Variants in OSMR observed in about 807,000 individuals in gnomAD.
OSMR encodes oncostatin-M-specific receptor subunit beta.
A neutral mutation model predicts 99.9 loss-of-function variants in OSMR; 81 were observed. That is an observed-to-expected ratio of 0.81 (90% CI 0.68 to 0.97). OSMR has a LOEUF of 0.97. Among genes scored for constraint, OSMR ranks in the 50% least tolerant of loss-of-function variants. The probability of loss-of-function intolerance (pLI) is 0.00; values close to 1 mark genes in which losing one functional copy is unlikely to be tolerated. For missense variants in OSMR, 1,099 were observed against 1,153.4 expected (o/e 0.95, Z 0.68); for synonymous variants, 406 against 410.4 (o/e 0.99, Z 0.13).
At chr5:38,880,848 T>C (rs1290700464) in intron 3 of OSMR, among the ~76,000 whole-genome samples, 1 of 152,170 alleles carries the variant, frequency 6.6e-6, no homozygotes, top group African/African-American at 2.4e-5. Flanking sequence ...AGAATGGAAA[T>C]GCCAGCATCT....
At chr5:38,924,739 A>G in intron 14 of OSMR, 144 bp downstream of exon 14, 1 of 775,320 alleles carries the variant, frequency 1.3e-6, no homozygotes. Flanking sequence ...GTTCTTAAGC[A>G]AATTAGTAGG....
chr5:38,857,264 T>G (rs420444), intron 1 of OSMR, among the ~76,000 whole-genome samples: 29,178 of 152,154 alleles, frequency 0.19, 2,919 homozygotes, highest in African/African-American at 0.23. Context: ...TTTAAATTTA[T>G]GAGATGAGAT....
chr5:38,926,128 A>G (rs1484108070), intron 15 of OSMR, among the ~76,000 whole-genome samples: 1 of 152,244 alleles, frequency 6.6e-6, no homozygotes, highest in Non-Finnish European at 1.5e-5. Flanking sequence ...AGAGGAGAAA[A>G]GAATATCTTC....
intron 8 of OSMR, 45 bp from the exon 9 acceptor site, chr5:38,904,308 T>A (rs767546306): frequency 3.2e-6 from 5 of 1,586,190 alleles, no homozygotes; most frequent in Non-Finnish European, 4.3e-6. Flanking sequence ...GTTTCTGTCT[T>A]GTTCTTTTCT....
chr5:38,919,063 G>C lies in OSMR; in HGVS notation c.1585+1G>C, dbSNP rs1388497841. 1.2e-6 allele frequency: 2 copies of C among 1,613,648 alleles called. No homozygotes were observed. Among genetic ancestry groups the C allele is most frequent in the East Asian group, 4.5e-5 (2 of 44,868 alleles). ...GTCATCTCTGCAGACCCCGAAAACA[G>C]TGAGTTTGTTTTCATTTTCTTTTGT... On this transcript the variant is annotated splice_donor_variant, in intron 11 of 17. Coordinates refer to ENST00000274276, the MANE Select transcript of OSMR (RefSeq NM_003999.3). LOFTEE classifies it high-confidence loss of function.
At chr5:38,886,662 T>G (rs2112414139) in intron 7 of OSMR, 1 of 154,272 alleles carries the variant, frequency 6.5e-6, no homozygotes, top group South Asian at 2.0e-4. Context: ...CCCATATTGT[T>G]TAGTGTTGCT....
At chr5:38,861,704 G>A (rs187179759) in intron 1 of OSMR, among the ~76,000 whole-genome samples, 1 of 150,714 alleles carries the variant, frequency 6.6e-6, no homozygotes. Flanking sequence ...GCCGGGAGAG[G>A]CGCCCCTCAC....
intron 7 of OSMR, among the ~76,000 whole-genome samples, chr5:38,890,415 T>C (rs770914150): frequency 7.9e-5 from 12 of 152,210 alleles, no homozygotes; most frequent in Non-Finnish European, 1.8e-4. Flanking sequence ...TCTGAGAGCC[T>C]AAATTTTTAT....
chr5:38,885,272 C>T, intron 5 of OSMR, 77 bp from the exon 6 acceptor site: 9 of 1,602,010 alleles, frequency 5.6e-6, no homozygotes, highest in Non-Finnish European at 7.7e-6. Context: ...TGGCTTCAGA[C>T]TCTAAACAGA....
chr5:38,879,377 A>G (rs997562236), intron 3 of OSMR, among the ~76,000 whole-genome samples: 4 of 152,212 alleles, frequency 2.6e-5, no homozygotes, highest in African/African-American at 9.6e-5. Context: ...GGAAGTGGCA[A>G]GCTCTGATTT....
downstream of OSMR, chr5:38,937,838 G>A: frequency 5.8e-6 from 1 of 171,164 alleles, no homozygotes; most frequent in East Asian, 1.1e-4. This position sits in a 1 kb window ranked among gnomAD's most constrained non-coding sequence, Gnocchi z 4.0. Context: ...AGTCACGTGT[G>A]TCAGCATCGG....
chr5:38,867,018 G>A (rs926757730), intron 1 of OSMR, among the ~76,000 whole-genome samples: 19 of 152,170 alleles, frequency 1.2e-4, no homozygotes, highest in African/African-American at 4.1e-4. Flanking sequence ...GTTTCTCTTC[G>A]ATGCTCTATT....
intron 15 of OSMR, 127 bp from the exon 16 acceptor site, chr5:38,931,753 TTAC>T: frequency 6.8e-7 from 1 of 1,471,272 alleles, no homozygotes; most frequent in African/African-American, 1.4e-5. Flanking sequence ...AGAATTCATA[TTAC>T]AACTTGCATA....
chr5:38,885,752 G>C (rs909233575), intron 6 of OSMR: 9 of 497,230 alleles, frequency 1.8e-5, no homozygotes, highest in African/African-American at 2.1e-5. Flanking sequence ...CTGATAATCT[G>C]GGTTTACCCA....
chr5:38,926,870 A>G (rs1406416650), intron 15 of OSMR, among the ~76,000 whole-genome samples: 2 of 152,230 alleles, frequency 1.3e-5, no homozygotes, highest in African/African-American at 2.4e-5. Context: ...CCTTCCGCCT[A>G]TGAGCCTGTA....
At chr5:38,941,214 T>G in intron 1 of OSMR, 1 of 232,898 alleles carries the variant, frequency 4.3e-6, no homozygotes, top group East Asian at 6.1e-5. Context: ...ACCACTGCAT[T>G]TAGTTTGTGC....
At chr5:38,941,570 T>G (rs1298120050) in intron 1 of OSMR, 1 of 231,170 alleles carries the variant, frequency 4.3e-6, no homozygotes, top group Non-Finnish European at 8.6e-6. Flanking sequence ...AAAAAATGAT[T>G]TTTAAATTTT....
chr5:38,917,767 T>C, intron 10 of OSMR, 145 bp downstream of exon 10: 1 of 671,800 alleles, frequency 1.5e-6, no homozygotes, highest in Non-Finnish European at 2.7e-6. Flanking sequence ...ATTTCTTACC[T>C]AGTAGAGGAA....
At chr5:38,939,077 A>G (rs1406193570), downstream of OSMR, 3 of 233,012 alleles carry the variant, frequency 1.3e-5, no homozygotes, top group Admixed American at 5.6e-5. Context: ...TGCAAAAATA[A>G]CTGCAGTTAT....
Sources: gnomAD v4.1 joint callset for allele counts (sites outside exome capture counted in the v4.1 genomes callset) on GRCh38, gnomAD v4.1.1 for gene constraint, Gnocchi (gnomAD v3.1) non-coding constraint, MANE v1.5 for transcripts, NCBI Gene and HGNC (gene_info 2026-07-23, HGNC 2026-07-21) for gene names.